Variants in POLDIP3 observed in about 807,000 individuals in gnomAD.
The protein encoded by POLDIP3 is DNA polymerase delta interacting protein 3.
Under a neutral mutation model 45.1 loss-of-function variants are expected in POLDIP3, and 14 were observed. The observed-to-expected ratio is 0.31, with a 90% CI of 0.20 to 0.49. The LOEUF (loss-of-function observed/expected upper bound fraction) is 0.49, where lower values mean the gene tolerates loss of function less well. POLDIP3 is among the 20% of genes least tolerant of loss of function. POLDIP3 has a pLI of 0.99. For synonymous variants in POLDIP3, 223 were observed against 205.2 expected (o/e 1.09, Z -0.74); for missense variants, 511 against 538.8 (o/e 0.95, Z 0.51).
rs145424318 is a variant in POLDIP3 at position 42,598,584 on chromosome 22, C to G, written c.633+1114G>C. Among the ~76,000 whole-genome samples the G allele has an allele frequency of 2.7e-3, 407 of 152,226 alleles. 4 individuals are homozygous for G. Among genetic ancestry groups the G allele is most frequent in the African/African-American group, 9.2e-3 (382 of 41,544 alleles). ...ATTTTTTAGTAGAGACGTGGTTTCA[C>G]CGTGCTAGCCAGGATGGTTTCCATC... is the stretch of plus-strand genomic sequence containing the variant. On this transcript the variant is annotated intron_variant, in intron 4 of 8. Transcript: ENST00000252115.
chr22:42,592,486 T>C (rs953994228), intron 6 of POLDIP3, among the ~76,000 whole-genome samples: 3 of 152,240 alleles, frequency 2.0e-5, no homozygotes, highest in African/African-American at 7.2e-5. Context: ...AATTCTGGAG[T>C]TCTACCCAGA....
chr22:42,613,929 A>G (rs1927288310), intron 1 of POLDIP3, among the ~76,000 whole-genome samples: 1 of 152,230 alleles, frequency 6.6e-6, no homozygotes, highest in African/African-American at 2.4e-5. Context: ...AACTCAGCTC[A>G]CGAAGGCTTG....
At chr22:42,609,302 C>A (rs1021682451) in intron 1 of POLDIP3, among the ~76,000 whole-genome samples, 2 of 152,228 alleles carry the variant, frequency 1.3e-5, no homozygotes, top group Admixed American at 6.5e-5. Flanking sequence ...AATGCCCCAC[C>A]TCCATCGCAC....
At position 42,584,694 on chromosome 22, in the gene POLDIP3, T is replaced by C. The variant is rs1435128018; in HGVS notation, c.*1097A>G. On this transcript the variant is annotated 3_prime_UTR_variant, in exon 9 of 9. Coordinates refer to ENST00000252115, the MANE Select transcript of POLDIP3 (RefSeq NM_032311.5). Reference sequence around the variant, plus strand: ...GCCTGGTAGAGCTGCCCTGCTCCCTTGACTCCTCCTCCTCTGCCAAGGCAG... The same window carrying C: ...GCCTGGTAGAGCTGCCCTGCTCCCTCGACTCCTCCTCCTCTGCCAAGGCAG... The C allele has an allele frequency of 2.8e-6, 1 of 358,378 alleles. No homozygotes were observed. Among genetic ancestry groups the C allele is most frequent in the African/African-American group, 2.1e-5 (1 of 46,708 alleles). 22.2% of individuals were successfully genotyped at this position (358,378 alleles called of 1,614,324 possible). A position where few individuals can be genotyped will look rare whatever the true frequency, so the allele number is the denominator to read the frequency against.
At chr22:42,603,637 CA>C (rs544939893) in intron 1 of POLDIP3, 177 of 158,784 alleles carry the variant, frequency 1.1e-3, no homozygotes, top group Non-Finnish European at 2.0e-3. Context: ...TGGAGAGGCT[CA>C]ATGATTAACA....
Position 42,599,813 on chromosome 22 carries a change from A to T in POLDIP3, c.538-20T>A. ...TAAATTCTGAGAATATAACATAAAG[A>T]AATATAAGCAAATGTGGCATCTGGG... On this transcript the variant is annotated intron_variant, in intron 3 of 8. Transcript: ENST00000252115. 4 of 1,546,246 alleles carry T rather than the reference A, an allele frequency of 2.6e-6. No individual in the cohort carries two copies. The highest frequency in any genetic ancestry group is 3.6e-6 in the Non-Finnish European group (4 of 1,122,342).
intron 8 of POLDIP3, 110 bp from the exon 9 acceptor site, chr22:42,586,078 T>C (rs561418726): frequency 2.1e-6 from 2 of 966,854 alleles, no homozygotes; most frequent in Admixed American, 2.9e-5. Flanking sequence ...GGTGTAACAC[T>C]TTCCATACCC....
At position 42,596,229 on chromosome 22, in the gene POLDIP3, A is replaced by G. The variant is rs1925977012; in HGVS notation, c.770T>C (p.Leu257Pro). The change falls in exon 5 of 9, where the codon CTG becomes CCG. Residue 257 changes from leucine (L) to proline (P), a missense_variant. Leu to Pro is a moderately conservative substitution (Grantham distance 98, BLOSUM62 -3). This residue lies in a region of POLDIP3 where 378 missense variants were observed against 352.3 expected (regional missense o/e 1.07). Transcript: ENST00000252115. ...TKALTNMSRT[L>P]VNKEEPPKEL... ...TTTGGGGGGTTCTTCCTTGTTCACC[A>G]GTGTCCGGGACATGTTGGTCAAGGC... is the stretch of plus-strand genomic sequence containing the variant. 1 of 1,614,074 alleles carries G rather than the reference A, an allele frequency of 6.2e-7. No homozygotes were observed. The highest frequency in any genetic ancestry group is 8.5e-7 in the Non-Finnish European group (1 of 1,180,034).
At chr22:42,601,487 G>T (rs534739183) in intron 3 of POLDIP3, among the ~76,000 whole-genome samples, 1 of 152,210 alleles carries the variant, frequency 6.6e-6, no homozygotes, top group East Asian at 1.9e-4. Flanking sequence ...TCTTGGCTGG[G>T]TGTGGTGGCT....
At chr22:42,605,198 G>A (rs1315563090) in intron 1 of POLDIP3, among the ~76,000 whole-genome samples, 161 of 152,350 alleles carry the variant, frequency 1.1e-3, no homozygotes, top group Non-Finnish European at 1.0e-4. Context: ...CGCAATCTTG[G>A]CTCACCGCAA....
In POLDIP3 at chr22:42,605,378, T is replaced by G. The variant is rs556650844; in HGVS notation, c.60-2218A>C. The stretch of plus-strand genomic sequence containing the variant: ...TCCTGACCTCGTGATCCGCCTGCCT[T>G]GGCCTCCAAAGCGTTACGATTACAG... On this transcript the variant is annotated intron_variant, in intron 1 of 8. Transcript: ENST00000252115. Among the ~76,000 whole-genome samples, 16 of 152,340 alleles carry G rather than the reference T, an allele frequency of 1.1e-4. 1 individual carries two copies. The South Asian group carries it at 3.3e-3, about 32-fold the overall frequency.
At chr22:42,597,768 G>A (rs1385490693) in intron 4 of POLDIP3, 1 of 454,082 alleles carries the variant, frequency 2.2e-6, no homozygotes, top group Non-Finnish European at 4.5e-6. Flanking sequence ...GCATCATTCA[G>A]CTTCACGACC....
intron 3 of POLDIP3, 46 bp downstream of exon 3, chr22:42,601,924 T>C (rs1926406138): frequency 1.3e-6 from 2 of 1,597,264 alleles, no homozygotes; most frequent in Admixed American, 1.7e-5. Context: ...ACATGTTCGC[T>C]ATGTACACAC....
chr22:42,609,618 C>G (rs1207261996), intron 1 of POLDIP3, among the ~76,000 whole-genome samples: 1 of 152,130 alleles, frequency 6.6e-6, no homozygotes, highest in African/African-American at 2.4e-5. Flanking sequence ...CAGATTTTAA[C>G]CCATGGGTTT....
Position 42,601,895 on chromosome 22 carries a change from T to C in POLDIP3, c.537+75A>G. On this transcript the variant is annotated intron_variant, in intron 3 of 8. Coordinates refer to ENST00000252115, the MANE Select transcript of POLDIP3 (RefSeq NM_032311.5). ...AGTCCATCCACCCAAGTAGGCCTCA[T>C]CAAAACACGTGCACACCTACATGTT... is the stretch of plus-strand genomic sequence containing the variant. 4.0e-6 allele frequency: 6 copies of C among 1,516,836 alleles called. No individual in the cohort carries two copies. In the South Asian group the frequency reaches 7.6e-5, roughly 19 times the overall value. 94.0% of individuals were successfully genotyped at this position (1,516,836 alleles called of 1,614,324 possible).
chr22:42,595,350 C>G (rs1227044663), intron 6 of POLDIP3, among the ~76,000 whole-genome samples, 187 bp downstream of exon 6: 1 of 152,202 alleles, frequency 6.6e-6, no homozygotes, highest in African/African-American at 2.4e-5. Context: ...TGCCTCGTTT[C>G]CCCCCGACTT....
chr22:42,610,362 C>T (rs1003321655), intron 1 of POLDIP3, among the ~76,000 whole-genome samples: 1 of 152,064 alleles, frequency 6.6e-6, no homozygotes, highest in Non-Finnish European at 1.5e-5. Context: ...GACCAGAGTC[C>T]TGGGCTGAAC....
At chr22:42,601,501 G>A (rs1480891919) in intron 3 of POLDIP3, among the ~76,000 whole-genome samples, 6 of 151,924 alleles carry the variant, frequency 3.9e-5, no homozygotes, top group Admixed American at 6.6e-5. Context: ...GGTGGCTCAC[G>A]CCTGTAATCC....
At chr22:42,587,053 G>A (rs1293855264) in intron 8 of POLDIP3, among the ~76,000 whole-genome samples, 1 of 151,830 alleles carries the variant, frequency 6.6e-6, no homozygotes, top group African/African-American at 2.4e-5. Flanking sequence ...AACCAACCTG[G>A]GCAACACAGT....
Sources: gnomAD v4.1 joint callset for allele counts (sites outside exome capture counted in the v4.1 genomes callset) on GRCh38, gnomAD v4.1.1 for gene constraint, gnomAD v4.1.1 regional missense constraint, MANE v1.5 for transcripts, NCBI Gene and HGNC (gene_info 2026-07-23, HGNC 2026-07-21) for gene names.